DIS3L: variants seen among roughly 807,000 people sequenced by gnomAD.
The protein encoded by DIS3L is DIS3 like exosome 3'-5' exoribonuclease.
DIS3L carries 100 observed loss-of-function variants against 120.3 expected under a neutral mutation model. The ratio of observed to expected loss-of-function variants is 0.83; its 90% confidence interval spans 0.71 to 0.98. The LOEUF is 0.98. DIS3L is among the 50% of genes least tolerant of loss of function. The probability of loss-of-function intolerance (pLI) is 0.00; values close to 1 mark genes in which losing one functional copy is unlikely to be tolerated. For missense variants in DIS3L, 1,196 were observed against 1,314.2 expected, an observed-to-expected ratio of 0.91 and a Z score of 1.39; for synonymous variants, 426 against 470.6, an observed-to-expected ratio of 0.91 and a Z score of 1.23.
At chr15:66,316,822 GAAAAAA>G (rs1566948597) in intron 7 of DIS3L, among the ~76,000 whole-genome samples, 1 of 151,856 alleles carries the variant, frequency 6.6e-6, no homozygotes, top group African/African-American at 2.4e-5. Context: ...CTCAAAAAAA[GAAAAAA>G]GAAAAAGAAA....
chr15:66,318,333 T>TG, intron 7 of DIS3L, 116 bp from the exon 8 acceptor site: 11 of 1,238,278 alleles, frequency 8.9e-6, no homozygotes, highest in Non-Finnish European at 1.2e-5. Context: ...TGGATGTGCT[T>TG]GAAAAAAAAT....
intron 14 of DIS3L, among the ~76,000 whole-genome samples, chr15:66,331,164 A>G (rs2092994579): frequency 6.6e-6 from 1 of 152,082 alleles, no homozygotes; most frequent in Admixed American, 6.6e-5. Context: ...CAAAAAGAAG[A>G]CAAAGAAACT....
intron 12 of DIS3L, among the ~76,000 whole-genome samples, chr15:66,328,166 A>AT (rs1312614649): frequency 1.3e-5 from 2 of 152,180 alleles, no homozygotes; most frequent in Non-Finnish European, 2.9e-5. Context: ...GTCTGAAGAG[A>AT]TTAAGTAATT....
chr15:66,331,556 C>T (rs1162761477), intron 14 of DIS3L: 1 of 152,876 alleles, frequency 6.5e-6, no homozygotes, highest in Non-Finnish European at 1.4e-5. Context: ...CTCCATATCT[C>T]AAAAAAAAAA....
At chr15:66,311,695 G>A (rs200549117) in intron 4 of DIS3L, 29 bp from the exon 5 acceptor site, 29 of 1,611,854 alleles carry the variant, frequency 1.8e-5, no homozygotes, top group South Asian at 1.2e-4. Context: ...CCTTCTGACC[G>A]TGTTTCTCTG....
intron 2 of DIS3L, among the ~76,000 whole-genome samples, chr15:66,298,742 G>C (rs2092616535): frequency 6.6e-6 from 1 of 152,178 alleles, no homozygotes; most frequent in Non-Finnish European, 1.5e-5. Context: ...CTTATTTAAT[G>C]AGGAGTCCCC....
At chr15:66,330,634 C>A (rs762228244) in intron 14 of DIS3L, 68 of 709,478 alleles carry the variant, frequency 9.6e-5, no homozygotes, top group Middle Eastern at 7.2e-4. Flanking sequence ...CTCAGTCACA[C>A]TGGCCACATT....
At chr15:66,330,914 C>T (rs886995125) in intron 14 of DIS3L, among the ~76,000 whole-genome samples, 2 of 152,118 alleles carry the variant, frequency 1.3e-5, no homozygotes, top group Non-Finnish European at 2.9e-5. Context: ...TAGCACTTTT[C>T]GAGGTCGAGG....
chr15:66,329,479 T>C (rs1242184364), intron 14 of DIS3L, 80 bp downstream of exon 14: 1 of 1,430,874 alleles, frequency 7.0e-7, no homozygotes, highest in African/African-American at 1.4e-5. Context: ...TACCGTGAAG[T>C]ATCATATATT....
chr15:66,320,440 A>T, intron 8 of DIS3L, 131 bp from the exon 9 acceptor site: 1 of 948,310 alleles, frequency 1.1e-6, no homozygotes, highest in Non-Finnish European at 1.5e-6. Flanking sequence ...AAACCCTACC[A>T]TACACCACTA....
intron 3 of DIS3L, among the ~76,000 whole-genome samples, chr15:66,307,284 T>C (rs1566940550): frequency 6.6e-6 from 1 of 151,504 alleles, no homozygotes; most frequent in East Asian, 1.9e-4. Context: ...GCTCCTTTTT[T>C]GTTTTTTTAT....
chr15:66,320,603 G>A lies in DIS3L; in HGVS notation c.1197G>A (p.Trp399Ter). 1 of 1,613,582 alleles carries A rather than the reference G, an allele frequency of 6.2e-7. No individual in the cohort carries two copies. ...DFRVVVRIDS[W>*]ESTSVYPNGH... ...GGGTGGTCGTGCGCATCGATTCCTG[G>A]GAGTCAACATCTGTGTATCCAAATG... The change falls in exon 9 of 17, where the codon TGG becomes TGA. Residue 399 changes from tryptophan (W) to a stop codon, truncating the protein, a stop_gained. Transcript: ENST00000319212. LOFTEE classifies it high-confidence loss of function.
At chr15:66,314,339 T>C (rs1453754401) in intron 6 of DIS3L, among the ~76,000 whole-genome samples, 31 of 152,206 alleles carry the variant, frequency 2.0e-4, no homozygotes, top group Non-Finnish European at 4.1e-4. Flanking sequence ...AGAAGCAAAG[T>C]AACTTGCCCA....
rs139490064 is a variant in DIS3L at position 66,311,890 on chromosome 15, G to T, written c.725G>T (p.Arg242Leu). 3.1e-6 allele frequency: 5 copies of T among 1,613,818 alleles called. No homozygotes were observed. The highest frequency in any genetic ancestry group is 3.3e-5 in the Admixed American group (2 of 59,964). Reference sequence around the variant, plus strand: ...TTAGAAGCTGGGATTAAATCTGGACGCTATATCCAGGTGAGGGTGGTAATT... The same window carrying T: ...TTAGAAGCTGGGATTAAATCTGGACTCTATATCCAGGTGAGGGTGGTAATT... The part of the protein sequence containing the change: ...EVLEAGIKSG[R>L]YIQGILNVNK... The change falls in exon 5 of 17, where the codon CGC (arginine) becomes CTC (leucine). Residue 242 changes from arginine to leucine, a missense_variant. Coordinates refer to ENST00000319212, the MANE Select transcript of DIS3L (RefSeq NM_001143688.3).
At position 66,295,099 on chromosome 15, in the gene DIS3L, T is replaced by C. The variant is rs1566931234; in HGVS notation, c.251T>C (p.Met84Thr). 1 of 1,614,156 alleles carries C rather than the reference T, an allele frequency of 6.2e-7. No homozygotes were observed. Among genetic ancestry groups the C allele is most frequent in the Non-Finnish European group, 8.5e-7 (1 of 1,180,024 alleles). Residue 84 changes from methionine to threonine, a missense_variant, in exon 2 of 17, where the codon ATG (methionine) becomes ACG (threonine). Coordinates refer to ENST00000319212, the MANE Select transcript of DIS3L (RefSeq NM_001143688.3). The part of the protein sequence containing the change: ...EFPELKGIIF[M>T]QTACQAVQHQ... ...CCTGAGTTGAAGGGAATTATTTTCA[T>C]GCAGACAGCTTGTCAAGCTGTGCAG...
intron 2 of DIS3L, among the ~76,000 whole-genome samples, chr15:66,306,161 G>A (rs1170929418): frequency 1.3e-5 from 2 of 152,142 alleles, no homozygotes; most frequent in African/African-American, 4.8e-5. Context: ...TTTTGGTAGA[G>A]ACAGGGTCTC....
intron 2 of DIS3L, among the ~76,000 whole-genome samples, chr15:66,301,271 A>ATATTTATTTATTTATT (rs59588832): frequency 1.3e-5 from 2 of 150,798 alleles, no homozygotes; most frequent in African/African-American, 4.9e-5. Context: ...AGTTGAATTT[A>ATATTTATTTATTTATT]TATTTATTTA....
chr15:66,306,845 C>T lies in DIS3L; in HGVS notation c.315C>T (p.Asn105=). ...RGRRQYNKLR[N]LLKDARHDCI... is the part of the protein sequence containing the mutation. ...ACAGACAGTATAACAAACTGCGAAA[C>T]CTGCTGAAGGATGCGCGTCATGATT... The change falls in exon 3 of 17, where the codon AAC becomes AAT. Residue 105 remains asparagine (N), a synonymous_variant. Transcript: ENST00000319212. The T allele has an allele frequency of 1.2e-6, 2 of 1,614,122 alleles. No individual in the cohort carries two copies. Among genetic ancestry groups the T allele is most frequent in the South Asian group, 1.1e-5 (1 of 91,082 alleles).
Position 66,329,276 on chromosome 15 carries a change from T to A in DIS3L, c.2412T>A (p.Asp804Glu). The A allele has an allele frequency of 6.2e-7, 1 of 1,613,406 alleles. No homozygotes were observed. The highest frequency in any genetic ancestry group is 8.5e-7 in the Non-Finnish European group (1 of 1,179,776). Residue 804 changes from aspartate (D) to glutamate (E), a missense_variant, in exon 14 of 17, where the codon GAT (aspartate) becomes GAA (glutamate). By Grantham distance (45) the Asp-to-Glu change is conservative. Transcript: ENST00000319212. ...HFTSPIRRYS[D>E]IVVHRLLMAA... ...CTTCTCCAATAAGAAGATATTCAGA[T>A]ATTGTAGTACACCGCTTGTTAATGG...
Sources: gnomAD v4.1 joint callset for allele counts (sites outside exome capture counted in the v4.1 genomes callset) on GRCh38, gnomAD v4.1.1 for gene constraint, MANE v1.5 for transcripts, NCBI Gene and HGNC (gene_info 2026-07-23, HGNC 2026-07-21) for gene names.